Variants in SPICE1 observed in about 807,000 individuals in gnomAD.
SPICE1 encodes spindle and centriole-associated protein 1.
Under a neutral mutation model 102.7 loss-of-function variants are expected in SPICE1, and 75 were observed. The observed-to-expected ratio is 0.73, with a 90% confidence interval of 0.61 to 0.88. The LOEUF is 0.88. SPICE1 is among the 40% of genes least tolerant of loss of function. The pLI is 0.00. For missense variants in SPICE1, 979 were observed against 1,020.1 expected, an observed-to-expected ratio of 0.96 and a Z score of 0.55; for synonymous variants, 308 against 350.3, an observed-to-expected ratio of 0.88 and a Z score of 1.35.
chr3:113,506,719 A>C (rs1483224735), intron 1 of SPICE1, 114 bp from the exon 2 acceptor site: 1 of 754,852 alleles, frequency 1.3e-6, no homozygotes. Context: ...CAGAAGAAAA[A>C]TTTAAGCATG....
At chr3:113,493,438 G>A (rs1936808602) in intron 5 of SPICE1, 126 bp from the exon 6 acceptor site, 1 of 720,010 alleles carries the variant, frequency 1.4e-6, no homozygotes, top group African/African-American at 1.8e-5. Context: ...TTAATGTAGT[G>A]CTTACTATAT....
chr3:113,511,622 T>C (rs2107512082), intron 1 of SPICE1, among the ~76,000 whole-genome samples: 1 of 152,200 alleles, frequency 6.6e-6, no homozygotes, highest in African/African-American at 2.4e-5. Flanking sequence ...GGCAGGGGGA[T>C]GCAGGGAGAC....
chr3:113,456,057 C>T (rs968389776), intron 13 of SPICE1, among the ~76,000 whole-genome samples: 2 of 152,174 alleles, frequency 1.3e-5, no homozygotes, highest in African/African-American at 4.8e-5. Context: ...CAACAATAAA[C>T]GGGCCAAGAT....
chr3:113,510,631 G>C (rs1478341968), intron 1 of SPICE1, among the ~76,000 whole-genome samples: 1 of 152,062 alleles, frequency 6.6e-6, no homozygotes, highest in African/African-American at 2.4e-5. Context: ...GATAATTAAA[G>C]GCTTAAATGT....
chr3:113,498,732 A>G (rs577147110), intron 4 of SPICE1, among the ~76,000 whole-genome samples: 1 of 152,370 alleles, frequency 6.6e-6, no homozygotes, highest in East Asian at 1.9e-4. Context: ...AGTGCTGTAC[A>G]TAAGCTTCAA....
chr3:113,445,150 T>A lies in SPICE1; in HGVS notation c.*157A>T. The A allele has an allele frequency of 1.9e-6, 1 of 526,358 alleles. No homozygotes were observed. Among genetic ancestry groups the A allele is most frequent in the Non-Finnish European group, 3.2e-6 (1 of 314,102 alleles). The allele number at this position is 526,358 out of a possible 1,614,324, so 32.6% of individuals were successfully genotyped here. ...GTTGTTGAAAACTTATTTGAGAAAG[T>A]CAAAAAATAATTGCTTTATTTCTCT... On this transcript the variant is annotated 3_prime_UTR_variant, in exon 18 of 18. Coordinates refer to ENST00000295872, the MANE Select transcript of SPICE1 (RefSeq NM_144718.4).
chr3:113,469,065 A>T (rs748859556), intron 8 of SPICE1, 34 bp downstream of exon 8: 2 of 1,598,756 alleles, frequency 1.3e-6, no homozygotes, highest in Non-Finnish European at 1.7e-6. Flanking sequence ...CTAATAAAGC[A>T]GGCACCTAGA....
At position 113,499,354 on chromosome 3, in the gene SPICE1, TC is replaced by T. The variant is rs1289587669; in HGVS notation, c.291+84del. On this transcript the variant is annotated intron_variant, in intron 4 of 17. Transcript: ENST00000295872. ...AGAATGCAGTGATTACTAGAGTCTC[TC>T]CAACGTGAATCAAATTGAAGAAAAA... 1.1e-5 allele frequency: 15 copies of T among 1,419,894 alleles called. No homozygotes were observed. The East Asian group carries it at 2.8e-4, about 26-fold the overall frequency. The allele number at this position is 1,419,894 out of a possible 1,614,324, so 88.0% of individuals were successfully genotyped here. A position where few individuals can be genotyped will look rare whatever the true frequency, so the allele number is the denominator to read the frequency against.
chr3:113,450,302 T>A (rs1291659510), intron 15 of SPICE1, 34 bp downstream of exon 15: 2 of 1,612,270 alleles, frequency 1.2e-6, no homozygotes, highest in East Asian at 4.5e-5. Context: ...AACCTTCATA[T>A]TTCTAGTTTT....
In SPICE1 at chr3:113,468,245, C is replaced by T. The variant is rs780122833; in HGVS notation, c.1049G>A (p.Arg350Gln). ...ACCCTTGACCTCGCGACCTGTCCAC[C>T]GCTCATATTCTTCCATTTCATGTTC... ...EVEHEMEEYE[R>Q]WTGREVKGLQ... The change falls in exon 10 of 18, where the codon CGG becomes CAG. Residue 350 changes from arginine (R) to glutamine (Q), a missense_variant. Arg to Gln is a conservative substitution (Grantham distance 43). Transcript: ENST00000295872. The T allele has an allele frequency of 1.6e-5, 26 of 1,613,990 alleles. No homozygotes were observed. Among genetic ancestry groups the T allele is most frequent in the Middle Eastern group, 1.6e-4 (1 of 6,084 alleles).
intron 14 of SPICE1, 62 bp from the exon 15 acceptor site, chr3:113,450,578 G>A (rs1405753010): frequency 6.3e-6 from 9 of 1,426,736 alleles, no homozygotes; most frequent in South Asian, 1.5e-5. Flanking sequence ...TCTCTCCCAC[G>A]ATTTTTTTTT....
chr3:113,484,346 T>C (rs1036702433), intron 7 of SPICE1, among the ~76,000 whole-genome samples: 1 of 152,012 alleles, frequency 6.6e-6, no homozygotes, highest in African/African-American at 2.4e-5. Context: ...GATTCATTGA[T>C]TTTTTGAAGG....
intron 2 of SPICE1, among the ~76,000 whole-genome samples, chr3:113,505,294 G>A (rs1452511484): frequency 6.6e-6 from 1 of 150,930 alleles, no homozygotes; most frequent in East Asian, 1.9e-4. Context: ...CACTCTGAAG[G>A]GGAAAATATG....
Position 113,495,559 on chromosome 3 carries a change from A to C in SPICE1, c.292-1417T>G, listed in dbSNP as rs1559973790. Among the ~76,000 whole-genome samples the C allele has an allele frequency of 1.3e-5, 2 of 152,230 alleles. 1 individual carries two copies. Among genetic ancestry groups the C allele is most frequent in the Non-Finnish European group, 2.9e-5 (2 of 68,046 alleles). ...AAGACTGAGAGTCCAGTCCCAGTCA[A>C]CAACCCTTCCCCAGCCCCACAGGGG... On this transcript the variant is annotated intron_variant, in intron 4 of 17. Coordinates refer to ENST00000295872, the MANE Select transcript of SPICE1 (RefSeq NM_144718.4).
chr3:113,480,642 A>C (rs147763620), intron 7 of SPICE1, among the ~76,000 whole-genome samples: 1 of 152,268 alleles, frequency 6.6e-6, no homozygotes, highest in African/African-American at 2.4e-5. Flanking sequence ...AAAAAGTCTG[A>C]TAAAATTAAC....
At chr3:113,489,379 G>C (rs534768084) in intron 6 of SPICE1, among the ~76,000 whole-genome samples, 1 of 152,182 alleles carries the variant, frequency 6.6e-6, no homozygotes, top group South Asian at 2.1e-4. Flanking sequence ...TCTTGAAAGA[G>C]TTGTTCCACC....
At chr3:113,473,402 C>T (rs1171464055) in intron 7 of SPICE1, among the ~76,000 whole-genome samples, 1 of 152,134 alleles carries the variant, frequency 6.6e-6, no homozygotes, top group Admixed American at 6.5e-5. Flanking sequence ...TCTAGCAAGG[C>T]AGGCCAACAT....
At chr3:113,483,844 T>C (rs985676623) in intron 7 of SPICE1, among the ~76,000 whole-genome samples, 3 of 152,206 alleles carry the variant, frequency 2.0e-5, no homozygotes, top group Non-Finnish European at 4.4e-5. Context: ...TTTTCTTTTT[T>C]TGTTGTGTCT....
chr3:113,464,405 T>C (rs1936004788), intron 11 of SPICE1, among the ~76,000 whole-genome samples: 1 of 151,816 alleles, frequency 6.6e-6, no homozygotes, highest in Admixed American at 6.6e-5. Context: ...TACAGGCATA[T>C]GCTACCATGC....
Sources: allele counts gnomAD v4.1 joint callset (sites outside exome capture counted in the v4.1 genomes callset), GRCh38; gene constraint gnomAD v4.1.1; transcripts MANE v1.5; gene names NCBI Gene and HGNC (gene_info 2026-07-23, HGNC 2026-07-21).